Variants in SMURF2 observed in about 807,000 individuals in gnomAD.
The protein encoded by SMURF2 is E3 ubiquitin-protein ligase SMURF2.
A neutral mutation model predicts 109.6 loss-of-function variants in SMURF2; 48 were observed. The ratio of observed to expected loss-of-function variants is 0.44; its 90% CI spans 0.35 to 0.56. The LOEUF is 0.56. Ranked by LOEUF, SMURF2 falls within the 20% of genes least tolerant of loss-of-function variation. The pLI is 0.01. For synonymous variants in SMURF2, 288 were observed against 317.1 expected (o/e 0.91, Z 0.97); for missense variants, 575 against 909.0 (o/e 0.63, Z 4.72).
At chr17:64,579,480 T>C (rs1333847312) in intron 8 of SMURF2, among the ~76,000 whole-genome samples, 1 of 152,158 alleles carries the variant, frequency 6.6e-6, no homozygotes, top group Non-Finnish European at 1.5e-5. Flanking sequence ...AGGACAGCTG[T>C]AATAACTTCA....
chr17:64,654,272 C>T (rs1970677266), intron 1 of SMURF2, among the ~76,000 whole-genome samples: 1 of 152,178 alleles, frequency 6.6e-6, no homozygotes, highest in African/African-American at 2.4e-5. Context: ...AACTGCCAAA[C>T]TTCAGATTAT....
rs1429070094 is a variant in SMURF2, at chr17:64,581,363, T to C, written c.570-372A>G. Among the ~76,000 whole-genome samples, 2 of 152,190 alleles carry C rather than the reference T, an allele frequency of 1.3e-5. No individual in the cohort carries two copies. Among genetic ancestry groups the C allele is most frequent in the African/African-American group, 4.8e-5 (2 of 41,444 alleles). The stretch of plus-strand genomic sequence containing the variant: ...CACTCTGCTTCAGCCACACTCATAT[T>C]CTTCCTGTTCCTTGAACTTGCCAAG... On this transcript the variant is annotated intron_variant, in intron 7 of 18. Transcript: ENST00000262435. This position sits in a 1 kb window ranked among gnomAD's most constrained non-coding sequence, Gnocchi z 4.3.
In SMURF2 at chr17:64,661,371, A is replaced by T. The variant is rs548368704; in HGVS notation, c.52+458T>A. Among the ~76,000 whole-genome samples the T allele has an allele frequency of 4.6e-5, 7 of 152,062 alleles. No individual in the cohort carries two copies. The South Asian group carries it at 1.5e-3, about 32-fold the overall frequency. ...GGTGTGTGCAAGGTAACAACCCGGG[A>T]ACACACACGCACACCCTCCCGTTAA... On this transcript the variant is annotated intron_variant, in intron 1 of 18. Transcript: ENST00000262435.
chr17:64,644,189 G>C lies in SMURF2; in HGVS notation c.52+17640C>G, dbSNP rs113634405. On this transcript the variant is annotated intron_variant, in intron 1 of 18. Transcript: ENST00000262435. ...CAGGCTAATTTTTGCAGTTTTTGTA[G>C]AGACGGAGTTTCACCATGTTGCTCA... Among the ~76,000 whole-genome samples, 455 of 152,050 alleles carry C rather than the reference G, an allele frequency of 3.0e-3. 1 individual carries two copies. Among genetic ancestry groups the C allele is most frequent in the African/African-American group, 0.011 (436 of 41,478 alleles).
Position 64,585,698 on chromosome 17 carries a change from T to C in SMURF2, c.485+388A>G, listed in dbSNP as rs149751305. Among the ~76,000 whole-genome samples the C allele has an allele frequency of 7.9e-5, 12 of 152,330 alleles. 1 individual carries two copies. The East Asian group carries it at 2.3e-3, about 29-fold the overall frequency. ...TGCTCAATGAAATCTTACTATGTTA[T>C]TTTAATTACTATTACACAAATTATC... On this transcript the variant is annotated intron_variant, in intron 6 of 18. Transcript: ENST00000262435.
intron 1 of SMURF2, among the ~76,000 whole-genome samples, chr17:64,631,328 C>CAGAGAG (rs1282544902): frequency 3.8e-4 from 25 of 65,048 alleles, no homozygotes; most frequent in African/African-American, 1.3e-3. Context: ...GAGAGAGAGA[C>CAGAGAG]AGAGAGAGAG....
In SMURF2 at chr17:64,553,230, G is replaced by C. The variant is rs544636275; in HGVS notation, c.1749-1526C>G. 3.3e-5 allele frequency among the ~76,000 whole-genome samples: 5 copies of C among 152,122 alleles called. No individual in the cohort carries two copies. The East Asian group carries it at 9.7e-4, about 29-fold the overall frequency. On this transcript the variant is annotated intron_variant, in intron 15 of 18. Transcript: ENST00000262435. ...CAGTATAATCATAAAAAAACAGCCA[G>C]GCACGGTGGCTTACACCTGTAATCC... is the stretch of plus-strand genomic sequence containing the variant.
intron 1 of SMURF2, among the ~76,000 whole-genome samples, chr17:64,647,718 C>T (rs1970577896): frequency 6.6e-6 from 1 of 150,418 alleles, no homozygotes; most frequent in African/African-American, 2.4e-5. Context: ...CAAATTTCGT[C>T]AGATAAAAGG....
chr17:64,553,925 T>C (rs782162000), intron 15 of SMURF2, among the ~76,000 whole-genome samples: 2 of 152,226 alleles, frequency 1.3e-5, no homozygotes, highest in African/African-American at 4.8e-5. Context: ...AAGTATATCA[T>C]GCAAGTTTCT....
At position 64,545,190 on chromosome 17, in the gene SMURF2, T is replaced by A. The variant is rs1968929799; in HGVS notation, c.*658A>T. 1 of 152,342 alleles carries A rather than the reference T, an allele frequency of 6.6e-6. No homozygotes were observed. Among genetic ancestry groups the A allele is most frequent in the Non-Finnish European group, 1.5e-5 (1 of 67,980 alleles). 9.4% of individuals were successfully genotyped at this position (152,342 alleles called of 1,614,324 possible). On this transcript the variant is annotated 3_prime_UTR_variant, in exon 19 of 19. Transcript: ENST00000262435. Reference sequence around the variant, plus strand: ...TAGGAATTTGACAACCAAAATTATATCGCTGTATTCCAGGAAATCCGTTCT... The same window carrying A: ...TAGGAATTTGACAACCAAAATTATAACGCTGTATTCCAGGAAATCCGTTCT...
intron 6 of SMURF2, among the ~76,000 whole-genome samples, chr17:64,585,201 GAGTT>G (rs2144644183): frequency 6.6e-6 from 1 of 152,248 alleles, no homozygotes; most frequent in Non-Finnish European, 1.5e-5. Flanking sequence ...AATCAGAAAA[GAGTT>G]AGAACTAGTA....
At chr17:64,658,605 G>A (rs145744757) in intron 1 of SMURF2, among the ~76,000 whole-genome samples, 1,902 of 152,144 alleles carry the variant, frequency 0.013, 45 homozygotes, top group African/African-American at 0.043. Context: ...TGTATAAAAA[G>A]GTCTGAAACA....
chr17:64,637,671 C>G (rs1970435386), intron 1 of SMURF2, among the ~76,000 whole-genome samples: 1 of 151,872 alleles, frequency 6.6e-6, no homozygotes. Context: ...TCAGGCGATT[C>G]TCCCACCTCT....
chr17:64,631,741 TTATTGGATGTAAGAAA>T (rs1298356461), intron 1 of SMURF2, among the ~76,000 whole-genome samples: 1 of 152,216 alleles, frequency 6.6e-6, no homozygotes, highest in African/African-American at 2.4e-5. Flanking sequence ...TTCACACTTT[TTATTGGATGTAAGAAA>T]TATTTACACA....
At chr17:64,550,212 A>C (rs1969021390) in intron 16 of SMURF2, among the ~76,000 whole-genome samples, 1 of 152,246 alleles carries the variant, frequency 6.6e-6, no homozygotes, top group African/African-American at 2.4e-5. Flanking sequence ...TTGTTTGCTA[A>C]CAGGTCTATT....
At position 64,581,916 on chromosome 17, in the gene SMURF2, G is replaced by A. The variant is rs1327287486; in HGVS notation, c.570-925C>T. ...GCAGAGGTTGCAGTGAGCCGAGATC[G>A]TACCACTGCACTCTAGCCTAGGCAA... On this transcript the variant is annotated intron_variant, in intron 7 of 18. Transcript: ENST00000262435. This position sits in a 1 kb window ranked among gnomAD's most constrained non-coding sequence, Gnocchi z 4.3. 6.6e-6 allele frequency among the ~76,000 whole-genome samples: 1 copy of A among 150,690 alleles called. No homozygotes were observed. The highest frequency in any genetic ancestry group is 1.9e-4 in the East Asian group (1 of 5,140).
At chr17:64,645,445 C>G (rs904289965) in intron 1 of SMURF2, among the ~76,000 whole-genome samples, 9 of 152,136 alleles carry the variant, frequency 5.9e-5, no homozygotes, top group Non-Finnish European at 1.3e-4. Flanking sequence ...CCCAGCTTCT[C>G]TGGAGGTTGA....
chr17:64,548,190 TAC>T (rs1968986519), intron 16 of SMURF2, among the ~76,000 whole-genome samples: 1 of 152,138 alleles, frequency 6.6e-6, no homozygotes, highest in Admixed American at 6.5e-5. Flanking sequence ...AAAGAGTAAA[TAC>T]AGATATGTGC....
At chr17:64,607,171 G>C (rs1969981826) in intron 1 of SMURF2, among the ~76,000 whole-genome samples, 2 of 150,414 alleles carry the variant, frequency 1.3e-5, no homozygotes, top group South Asian at 4.2e-4. Context: ...TCAGTTAAAT[G>C]ACAAGATATG....
Sources: gnomAD v4.1 joint callset for allele counts (sites outside exome capture counted in the v4.1 genomes callset) on GRCh38, gnomAD v4.1.1 for gene constraint, Gnocchi (gnomAD v3.1) non-coding constraint, MANE v1.5 for transcripts, NCBI Gene and HGNC (gene_info 2026-07-23, HGNC 2026-07-21) for gene names.